The following HS6ST3 variants were observed in gnomAD, a reference collection of about 807,000 sequenced individuals.
HS6ST3 encodes heparan-sulfate 6-O-sulfotransferase 3.
Under a neutral mutation model 36.7 loss-of-function variants are expected in HS6ST3, and 12 were observed. The ratio of observed to expected loss-of-function variants is 0.33; its 90% CI spans 0.21 to 0.53. The LOEUF (loss-of-function observed/expected upper bound fraction) is 0.53. HS6ST3 is among the 20% of genes least tolerant of loss of function. The pLI, the probability that HS6ST3 is intolerant of heterozygous loss-of-function variation, is 0.95. For missense variants in HS6ST3, 584 were observed against 640.9 expected (o/e 0.91, Z 0.96); for synonymous variants, 240 against 257.5 (o/e 0.93, Z 0.65).
At chr13:96,327,204 C>T (rs1204405597) in intron 1 of HS6ST3, among the ~76,000 whole-genome samples, 4 of 149,232 alleles carry the variant, frequency 2.7e-5, no homozygotes, top group Non-Finnish European at 3.0e-5. Flanking sequence ...TTTGTCAATT[C>T]TGGCTTTTGT....
intron 1 of HS6ST3, among the ~76,000 whole-genome samples, chr13:96,552,057 A>G (rs1356916016): frequency 1.3e-5 from 2 of 152,218 alleles, no homozygotes; most frequent in Admixed American, 1.3e-4. Flanking sequence ...AAGTTAGAGC[A>G]ATCTTAACTG....
Position 96,155,617 on chromosome 13 carries a change from C to A in HS6ST3, c.707+64048C>A, listed in dbSNP as rs77754456. Among the ~76,000 whole-genome samples, 114 of 152,104 alleles carry A rather than the reference C, an allele frequency of 7.5e-4. 2 individuals carry two copies. The East Asian group carries it at 0.017, about 23-fold the overall frequency. ...TTTTTTTAAAAAAGGCTAAGAATGG[C>A]AAGCATTTTAAATAATGAAAACCTG... On this transcript the variant is annotated intron_variant, in intron 1 of 1. Coordinates refer to ENST00000376705, the MANE Select transcript of HS6ST3 (RefSeq NM_153456.4).
intron 1 of HS6ST3, among the ~76,000 whole-genome samples, chr13:96,647,063 A>G (rs548205414): frequency 6.6e-6 from 1 of 152,068 alleles, no homozygotes; most frequent in African/African-American, 2.4e-5. Flanking sequence ...TGCTTTTTCC[A>G]CAATAATTCT....
chr13:96,170,245 CA>C (rs1469941688), intron 1 of HS6ST3, among the ~76,000 whole-genome samples: 1 of 152,208 alleles, frequency 6.6e-6, no homozygotes, highest in Non-Finnish European at 1.5e-5. Context: ...CAATCTGCAC[CA>C]CCAGGTGGGG....
At chr13:96,269,466 G>A (rs904432267) in intron 1 of HS6ST3, among the ~76,000 whole-genome samples, 1 of 151,906 alleles carries the variant, frequency 6.6e-6, no homozygotes, top group South Asian at 2.1e-4. Context: ...AGCATCAATA[G>A]CTTGTTAACC....
intron 1 of HS6ST3, among the ~76,000 whole-genome samples, chr13:96,436,035 T>A (rs2055640002): frequency 6.6e-6 from 1 of 152,210 alleles, no homozygotes; most frequent in Admixed American, 6.5e-5. Flanking sequence ...CTTTCCTAAT[T>A]CCCCTTCTTC....
At chr13:96,356,448 CT>C (rs1566336020) in intron 1 of HS6ST3, among the ~76,000 whole-genome samples, 3 of 152,100 alleles carry the variant, frequency 2.0e-5, no homozygotes, top group African/African-American at 7.2e-5. Context: ...GATCTATGGG[CT>C]GCAGAATGGA....
At chr13:96,278,178 A>C (rs1404789975) in intron 1 of HS6ST3, among the ~76,000 whole-genome samples, 1 of 152,212 alleles carries the variant, frequency 6.6e-6, no homozygotes, top group Non-Finnish European at 1.5e-5. Context: ...CTGAAATTCA[A>C]GACCTATGAC....
Position 96,334,015 on chromosome 13 carries a change from G to A in HS6ST3, c.707+242446G>A, listed in dbSNP as rs117464157. On this transcript the variant is annotated intron_variant, in intron 1 of 1. Transcript: ENST00000376705. ...GTACCTGTCTGGTACCTGGCACCACGGCCTGTAGGGTGGGTACACTGTGGC... is the reference window on the plus strand; with the variant it reads ...GTACCTGTCTGGTACCTGGCACCACAGCCTGTAGGGTGGGTACACTGTGGC... Among the ~76,000 whole-genome samples, 82 of 152,244 alleles carry A rather than the reference G, an allele frequency of 5.4e-4. No individual in the cohort carries two copies. In the East Asian group the frequency reaches 0.01, roughly 19 times the overall value.
At chr13:96,769,568 T>G (rs1206176956) in intron 1 of HS6ST3, among the ~76,000 whole-genome samples, 2 of 151,268 alleles carry the variant, frequency 1.3e-5, no homozygotes, top group African/African-American at 4.9e-5. Context: ...TTAGGACCAT[T>G]TAAAACCTCT....
rs544571315 is a variant in HS6ST3, at chr13:96,250,217, G to A, written c.707+158648G>A. Among the ~76,000 whole-genome samples, 4 of 152,338 alleles carry A rather than the reference G, an allele frequency of 2.6e-5. No individual in the cohort carries two copies. In the East Asian group the frequency reaches 5.8e-4, roughly 22 times the overall value. On this transcript the variant is annotated intron_variant, in intron 1 of 1. Coordinates refer to ENST00000376705, the MANE Select transcript of HS6ST3 (RefSeq NM_153456.4). Reference sequence around the variant, plus strand: ...ATGATCTGGAAACTGAATTACTTCAGCAGAGGTAGTGTTCTAGGGCAGTGG... The same window carrying A: ...ATGATCTGGAAACTGAATTACTTCAACAGAGGTAGTGTTCTAGGGCAGTGG...
intron 1 of HS6ST3, among the ~76,000 whole-genome samples, chr13:96,175,626 T>C (rs1420925475): frequency 6.6e-6 from 1 of 151,942 alleles, no homozygotes; most frequent in Non-Finnish European, 1.5e-5. Context: ...TTTTAACCTT[T>C]TTGTGTATTA....
intron 1 of HS6ST3, among the ~76,000 whole-genome samples, chr13:96,111,146 T>G (rs1250785661): frequency 6.6e-6 from 1 of 152,200 alleles, no homozygotes; most frequent in Admixed American, 6.5e-5. Context: ...AATGCTTTCT[T>G]GAGTGAGATA....
chr13:96,091,382 C>G lies in HS6ST3; in HGVS notation c.520C>G (p.Pro174Ala). The G allele has an allele frequency of 6.2e-7, 1 of 1,613,976 alleles. No homozygotes were observed. The highest frequency in any genetic ancestry group is 8.5e-7 in the Non-Finnish European group (1 of 1,179,980). ...HLVKNIRLEQPCSCKAGQKKC... is the reference protein window; with the variant it reads ...HLVKNIRLEQACSCKAGQKKC... ...GGTGAAGAACATCCGGCTGGAGCAG[C>G]CTTGTAGCTGCAAAGCGGGTCAGAA... is the stretch of plus-strand genomic sequence containing the variant. The change falls in exon 1 of 2, where the codon CCT (proline) becomes GCT (alanine). Residue 174 changes from proline to alanine, a missense_variant. Physicochemically the swap from Pro to Ala is conservative, Grantham distance 27. This residue lies in a region of HS6ST3 where 360 missense variants were observed against 411.3 expected (regional missense o/e 0.88). Transcript: ENST00000376705.
intron 1 of HS6ST3, among the ~76,000 whole-genome samples, chr13:96,664,472 T>G (rs2056656871): frequency 6.6e-6 from 1 of 152,150 alleles, no homozygotes; most frequent in East Asian, 1.9e-4. Context: ...TCAAAAACAC[T>G]GAAACTTCAT....
At chr13:96,529,301 G>C (rs113451797) in intron 1 of HS6ST3, among the ~76,000 whole-genome samples, 4 of 152,142 alleles carry the variant, frequency 2.6e-5, no homozygotes, top group African/African-American at 7.2e-5. Context: ...TGAAGACAAG[G>C]GTGTATCATA....
chr13:96,832,150 G>A (rs1054512705), intron 1 of HS6ST3, among the ~76,000 whole-genome samples: 19 of 152,048 alleles, frequency 1.2e-4, no homozygotes, highest in Admixed American at 3.9e-4. Context: ...AAAAATCATG[G>A]TGTTTTCTCT....
intron 1 of HS6ST3, among the ~76,000 whole-genome samples, chr13:96,406,271 A>C (rs1047063564): frequency 6.6e-6 from 1 of 152,226 alleles, no homozygotes; most frequent in Non-Finnish European, 1.5e-5. Flanking sequence ...TTCAACTAAC[A>C]CTTTGAAGAG....
chr13:96,244,792 A>G (rs952072692), intron 1 of HS6ST3, among the ~76,000 whole-genome samples: 3 of 152,184 alleles, frequency 2.0e-5, no homozygotes, highest in Non-Finnish European at 2.9e-5. Context: ...TGGGTGGCCT[A>G]TAACAGAAGT....
Sources: gnomAD v4.1 joint callset for allele counts (sites outside exome capture counted in the v4.1 genomes callset) on GRCh38, gnomAD v4.1.1 for gene constraint, gnomAD v4.1.1 regional missense constraint, MANE v1.5 for transcripts, NCBI Gene and HGNC (gene_info 2026-07-23, HGNC 2026-07-21) for gene names.